PCDHGA5: variants seen among roughly 807,000 people sequenced by gnomAD.
PCDHGA5 encodes protocadherin gamma-A5.
A neutral mutation model predicts 56.7 loss-of-function variants in PCDHGA5; 36 were observed. That is an observed-to-expected ratio of 0.64 (90% confidence interval 0.49 to 0.84). The LOEUF (loss-of-function observed/expected upper bound fraction) is 0.84, where lower values mean the gene tolerates loss of function less well. Among genes scored for constraint, PCDHGA5 ranks in the 40% least tolerant of loss-of-function variants. The pLI is 0.00. For synonymous variants in PCDHGA5, 563 were observed against 520.2 expected, an observed-to-expected ratio of 1.08 and a Z score of -1.12; for missense variants, 1,305 against 1,201.5, an observed-to-expected ratio of 1.09 and a Z score of -1.27.
At chr5:141,418,499 G>A (rs775606988) in intron 1 of PCDHGA5, 1 of 1,613,962 alleles carries the variant, frequency 6.2e-7, no homozygotes, top group Non-Finnish European at 8.5e-7. Context: ...GGTACTGACC[G>A]CCTTAGATGG....
chr5:141,398,587 C>T, intron 1 of PCDHGA5: 5 of 1,613,860 alleles, frequency 3.1e-6, no homozygotes, highest in Non-Finnish European at 3.4e-6. Context: ...AAGATTTATA[C>T]TAGAAGTAGC....
At chr5:141,381,397 A>G (rs1207743426) in intron 1 of PCDHGA5, among the ~76,000 whole-genome samples, 1 of 152,222 alleles carries the variant, frequency 6.6e-6, no homozygotes, top group Admixed American at 6.5e-5. Flanking sequence ...GTTTTACTCT[A>G]TCAACATCAG....
intron 1 of PCDHGA5, chr5:141,415,715 T>A: frequency 7.0e-7 from 1 of 1,428,190 alleles, no homozygotes; most frequent in Non-Finnish European, 9.3e-7. Flanking sequence ...AAAACACTGA[T>A]GAGTAGAATT....
At chr5:141,413,958 G>C in intron 1 of PCDHGA5, 1 of 1,613,392 alleles carries the variant, frequency 6.2e-7, no homozygotes, top group African/African-American at 1.3e-5. Flanking sequence ...ATTTGCCTGT[G>C]GGCACTCAGC....
chr5:141,384,941 C>A lies in PCDHGA5; in HGVS notation c.2421+18190C>A, dbSNP rs748067928. Reference sequence around the variant, plus strand: ...GCCGACCTGGGCAGCCTTGAGCCCTCCGACGGTCCTTACAACTATGACCTC... The same window carrying A: ...GCCGACCTGGGCAGCCTTGAGCCCTACGACGGTCCTTACAACTATGACCTC... On this transcript the variant is annotated intron_variant, in intron 1 of 3. Transcript: ENST00000518069. 2.5e-6 allele frequency: 4 copies of A among 1,614,104 alleles called. No homozygotes were observed. The highest frequency in any genetic ancestry group is 3.4e-6 in the Non-Finnish European group (4 of 1,180,022).
At position 141,413,154 on chromosome 5, in the gene PCDHGA5, A is replaced by C. The variant is rs1308503780; in HGVS notation, c.2421+46403A>C. 10 of 1,576,026 alleles carry C rather than the reference A, an allele frequency of 6.3e-6. No homozygotes were observed. In the South Asian group the frequency reaches 1.2e-4, roughly 18 times the overall value. ...ACAACGTGTCCAGTGAGGACTTTGC[A>C]GAATTCTGTAACCAGACTACAATGG... On this transcript the variant is annotated intron_variant, in intron 1 of 3. Coordinates refer to ENST00000518069, the MANE Select transcript of PCDHGA5 (RefSeq NM_018918.3).
intron 2 of PCDHGA5, among the ~76,000 whole-genome samples, chr5:141,503,800 C>T (rs756250566): frequency 1.3e-5 from 2 of 151,994 alleles, no homozygotes; most frequent in South Asian, 2.1e-4. Flanking sequence ...TACTTAGGGA[C>T]GGGGAATCCC....
chr5:141,388,334 A>G (rs2091318945), intron 1 of PCDHGA5: 2 of 1,613,972 alleles, frequency 1.2e-6, no homozygotes, highest in South Asian at 1.1e-5. Flanking sequence ...AGCCTGGCAC[A>G]CGATTTATAT....
chr5:141,408,155 C>T (rs1355335396), intron 1 of PCDHGA5: 2 of 1,511,456 alleles, frequency 1.3e-6, no homozygotes, highest in Non-Finnish European at 1.8e-6. Flanking sequence ...GTAGAGTGCA[C>T]TTTCTCCAAC....
intron 1 of PCDHGA5, among the ~76,000 whole-genome samples, chr5:141,443,812 G>A (rs1441798548): frequency 6.6e-6 from 1 of 151,990 alleles, no homozygotes; most frequent in Admixed American, 6.6e-5. Flanking sequence ...AGTTACCTTT[G>A]GAAAACATAA....
chr5:141,487,013 C>T lies in PCDHGA5; in HGVS notation c.2422-7794C>T. ...GGTTTCCTATCAGCTCCTGGAGGCC[C>T]CAGATCCCAGCCTGTTTGCAGTCTC... On this transcript the variant is annotated intron_variant, in intron 1 of 3. Coordinates refer to ENST00000518069, the MANE Select transcript of PCDHGA5 (RefSeq NM_018918.3). The surrounding 1 kb of genome is among the most constrained non-coding windows in gnomAD (Gnocchi z 5.0). The T allele has an allele frequency of 1.2e-6, 2 of 1,614,220 alleles. No individual in the cohort carries two copies. Among genetic ancestry groups the T allele is most frequent in the Non-Finnish European group, 1.7e-6 (2 of 1,180,040 alleles).
chr5:141,449,569 A>G (rs1340921687), intron 1 of PCDHGA5, among the ~76,000 whole-genome samples: 2 of 148,390 alleles, frequency 1.3e-5, no homozygotes, highest in East Asian at 3.9e-4. Flanking sequence ...AGCCTGGGCG[A>G]CAGAGCAAGA....
Position 141,431,412 on chromosome 5 carries a change from GC to G in PCDHGA5, c.2422-63394del. ...CTGGTCCTTACGGCCTCCGACGGGG[GC>G]GACCCGGTGCGCACAGGCACCGCGC... On this transcript the variant is annotated intron_variant, in intron 1 of 3. Coordinates refer to ENST00000518069, the MANE Select transcript of PCDHGA5 (RefSeq NM_018918.3). The surrounding 1 kb of genome is among the most constrained non-coding windows in gnomAD (Gnocchi z 4.8). The G allele has an allele frequency of 6.2e-7, 1 of 1,613,714 alleles. No homozygotes were observed. Among genetic ancestry groups the G allele is most frequent in the Non-Finnish European group, 8.5e-7 (1 of 1,180,050 alleles).
At chr5:141,450,626 A>G (rs1474729472) in intron 1 of PCDHGA5, among the ~76,000 whole-genome samples, 1 of 151,438 alleles carries the variant, frequency 6.6e-6, no homozygotes, top group East Asian at 2.0e-4. Context: ...AGCTGGGATT[A>G]CAGATGCCTG....
chr5:141,494,778 CA>C (rs1228639033), intron 1 of PCDHGA5, 28 bp from the exon 2 acceptor site: 1 of 1,614,086 alleles, frequency 6.2e-7, no homozygotes, highest in Admixed American at 1.7e-5. Flanking sequence ...CACGGGTACT[CA>C]GCCCCTTTCC....
At chr5:141,418,348 T>C in intron 1 of PCDHGA5, 4 of 1,613,982 alleles carry the variant, frequency 2.5e-6, no homozygotes, top group Non-Finnish European at 3.4e-6. Context: ...CTGATATTAG[T>C]ATGAATTCGC....
At chr5:141,423,674 C>T (rs57195665) in intron 1 of PCDHGA5, 3 of 1,514,742 alleles carry the variant, frequency 2.0e-6, no homozygotes, top group African/African-American at 1.5e-5. Context: ...AGATTTATTT[C>T]TCTGCCTCCT....
intron 2 of PCDHGA5, 37 bp downstream of exon 2, chr5:141,494,902 C>T (rs2099757367): frequency 1.9e-6 from 3 of 1,614,024 alleles, no homozygotes; most frequent in Non-Finnish European, 2.5e-6. Flanking sequence ...CTCTTCTCTG[C>T]GGCATTTTCT....
Position 141,489,273 on chromosome 5 carries a change from G to GA in PCDHGA5, c.2422-5531dup. The GA allele has an allele frequency of 6.4e-7, 1 of 1,555,870 alleles. No individual in the cohort carries two copies. The highest frequency in any genetic ancestry group is 2.2e-5 in the East Asian group (1 of 44,466). On this transcript the variant is annotated intron_variant, in intron 1 of 3. Coordinates refer to ENST00000518069, the MANE Select transcript of PCDHGA5 (RefSeq NM_018918.3). The surrounding 1 kb of genome is among the most constrained non-coding windows in gnomAD (Gnocchi z 4.5). ...CCAAGACACTCCCACAGCTCGCTGG[G>GA]AAATGGCAAGTGCTGTGCATGTTGT...
Sources: gnomAD v4.1 joint callset for allele counts (sites outside exome capture counted in the v4.1 genomes callset) on GRCh38, gnomAD v4.1.1 for gene constraint, Gnocchi (gnomAD v3.1) non-coding constraint, MANE v1.5 for transcripts, NCBI Gene and HGNC (gene_info 2026-07-23, HGNC 2026-07-21) for gene names.